ITGBL1: variants seen among roughly 807,000 people sequenced by gnomAD.
ITGBL1 encodes the protein integrin beta-like protein 1.
A neutral mutation model predicts 68.5 loss-of-function variants in ITGBL1; 51 were observed. That is an observed-to-expected ratio of 0.74 (90% CI 0.59 to 0.94). The LOEUF (loss-of-function observed/expected upper bound fraction) is 0.94. Ranked by LOEUF, ITGBL1 falls within the 40% of genes least tolerant of loss-of-function variation. The pLI, the probability that ITGBL1 is intolerant of heterozygous loss-of-function variation, is 0.00. For synonymous variants in ITGBL1, 209 were observed against 227.3 expected (o/e 0.92, Z 0.72); for missense variants, 649 against 647.4 (o/e 1.00, Z -0.03).
At chr13:101,588,398 G>A (rs942943340) in intron 6 of ITGBL1, among the ~76,000 whole-genome samples, 5 of 151,904 alleles carry the variant, frequency 3.3e-5, no homozygotes, top group Admixed American at 2.0e-4. Context: ...AAGACAAACA[G>A]CACCATGCCG....
intron 7 of ITGBL1, among the ~76,000 whole-genome samples, chr13:101,655,944 C>T (rs76178839): frequency 0.012 from 1,835 of 152,060 alleles, 30 homozygotes; most frequent in African/African-American, 0.041. Flanking sequence ...GAACATGTGT[C>T]GAAGGTACAG....
chr13:101,506,788 C>T (rs2049033344), intron 2 of ITGBL1, among the ~76,000 whole-genome samples: 1 of 152,134 alleles, frequency 6.6e-6, no homozygotes, highest in Admixed American at 6.6e-5. Flanking sequence ...ATCCTTCTCT[C>T]CTGAGATCTC....
intron 2 of ITGBL1, among the ~76,000 whole-genome samples, chr13:101,532,273 T>C (rs2049496824): frequency 1.3e-5 from 2 of 152,202 alleles, no homozygotes; most frequent in South Asian, 4.1e-4. Flanking sequence ...AGAAGGCAAG[T>C]TCTATCTTAA....
chr13:101,666,067 G>A (rs563424281), intron 7 of ITGBL1, among the ~76,000 whole-genome samples: 1 of 152,134 alleles, frequency 6.6e-6, no homozygotes, highest in South Asian at 2.1e-4. Context: ...AGTTTACTAT[G>A]CTATGTTATT....
At chr13:101,637,341 AT>A (rs58584687) in intron 7 of ITGBL1, among the ~76,000 whole-genome samples, 12,089 of 125,844 alleles carry the variant, frequency 0.096, 792 homozygotes, top group African/African-American at 0.25. Flanking sequence ...TTGGAACAGT[AT>A]TTTTTTTTTT....
intron 2 of ITGBL1, among the ~76,000 whole-genome samples, chr13:101,493,000 C>G (rs1484610459): frequency 6.6e-6 from 1 of 152,104 alleles, no homozygotes; most frequent in Non-Finnish European, 1.5e-5. Context: ...GGGAGTAAAT[C>G]TCTGTTAAGC....
chr13:101,586,812 T>C (rs2050565333), intron 6 of ITGBL1, among the ~76,000 whole-genome samples: 1 of 152,248 alleles, frequency 6.6e-6, no homozygotes, highest in Admixed American at 6.5e-5. Flanking sequence ...ATTTCATCAT[T>C]CTTACAGAAT....
rs149266508 is a variant in ITGBL1 at position 101,544,510 on chromosome 13, C to G, written c.317-23189C>G. ...AGGCTCCTCGGGGGTCAGGGACCCACTTGAGGAGGCAGTCTGTCTGTTCTC... is the reference window on the plus strand; with the variant it reads ...AGGCTCCTCGGGGGTCAGGGACCCAGTTGAGGAGGCAGTCTGTCTGTTCTC... On this transcript the variant is annotated intron_variant, in intron 2 of 10. Coordinates refer to ENST00000376180, the MANE Select transcript of ITGBL1 (RefSeq NM_004791.3). 7.2e-4 allele frequency among the ~76,000 whole-genome samples: 110 copies of G among 152,334 alleles called. 3 individuals carry two copies. The East Asian group carries it at 0.018, about 25-fold the overall frequency.
At chr13:101,466,089 C>A (rs1020834094) in intron 2 of ITGBL1, among the ~76,000 whole-genome samples, 4 of 152,190 alleles carry the variant, frequency 2.6e-5, no homozygotes. Flanking sequence ...CTATGGCCAA[C>A]TTTGACTCAT....
intron 7 of ITGBL1, among the ~76,000 whole-genome samples, chr13:101,673,983 G>T (rs553601008): frequency 1.5e-4 from 23 of 152,274 alleles, no homozygotes; most frequent in Non-Finnish European, 2.9e-4. Context: ...GTCAGCAATG[G>T]TTTTAGAGAC....
chr13:101,646,244 C>T (rs551123609), intron 7 of ITGBL1, among the ~76,000 whole-genome samples: 164 of 152,062 alleles, frequency 1.1e-3, no homozygotes, highest in Middle Eastern at 3.2e-3. Flanking sequence ...AAGAATAAAA[C>T]TCTTTTACAG....
rs1566784568 is a variant in ITGBL1, at chr13:101,671,449, T to TTTTTTTTTTTG, written c.1016-21129_1016-21128insTTTGTTTTTTT. On this transcript the variant is annotated intron_variant, in intron 7 of 10. Transcript: ENST00000376180. ...TTGTTTTTTTTTTGTTTTTTTTTGTTTTTTTTTGAGACGGAGTCTCGCTCT... is the reference window on the plus strand; with the variant it reads ...TTGTTTTTTTTTTGTTTTTTTTTGTTTTTTTTTTTTGTTTTTTTGAGACGGAGTCTCGCTCT... Among the ~76,000 whole-genome samples the TTTTTTTTTTTG allele has an allele frequency of 2.3e-5, 3 of 127,726 alleles. No homozygotes were observed. The East Asian group carries it at 8.8e-4, about 37-fold the overall frequency. The allele number at this position is 127,726 out of a possible 152,430, so 83.8% of individuals were successfully genotyped here. A position where few individuals can be genotyped will look rare whatever the true frequency, so the allele number is the denominator to read the frequency against.
At chr13:101,618,209 G>A (rs2031442177) in intron 7 of ITGBL1, among the ~76,000 whole-genome samples, 1 of 152,120 alleles carries the variant, frequency 6.6e-6, no homozygotes, top group Non-Finnish European at 1.5e-5. Flanking sequence ...TTCAACATAG[G>A]CAATAGATTA....
chr13:101,615,281 A>G (rs956624390), intron 7 of ITGBL1, among the ~76,000 whole-genome samples: 2 of 152,074 alleles, frequency 1.3e-5, no homozygotes, highest in African/African-American at 4.8e-5. Flanking sequence ...AGGATGATTC[A>G]GCTCTAGTCT....
chr13:101,549,511 A>G (rs2049885072), intron 2 of ITGBL1, among the ~76,000 whole-genome samples: 1 of 152,056 alleles, frequency 6.6e-6, no homozygotes, highest in Non-Finnish European at 1.5e-5. Flanking sequence ...AAATGGCTGC[A>G]ACATGATGGA....
intron 2 of ITGBL1, among the ~76,000 whole-genome samples, chr13:101,560,609 ATTAAG>A (rs777524639): frequency 1.3e-5 from 2 of 152,204 alleles, no homozygotes; most frequent in East Asian, 3.8e-4. Context: ...ATATTGCAAA[ATTAAG>A]TTAAATAATT....
chr13:101,509,494 T>G (rs1306028458), intron 2 of ITGBL1, among the ~76,000 whole-genome samples: 2 of 152,174 alleles, frequency 1.3e-5, no homozygotes, highest in Non-Finnish European at 2.9e-5. Flanking sequence ...TAAATTAATA[T>G]TCTACCCAGG....
intron 7 of ITGBL1, among the ~76,000 whole-genome samples, chr13:101,639,646 A>G (rs1359300760): frequency 6.6e-6 from 1 of 152,098 alleles, no homozygotes; most frequent in Non-Finnish European, 1.5e-5. Flanking sequence ...CTTTTAATTT[A>G]TTTTAGCATG....
At chr13:101,566,725 A>G (rs1395191835) in intron 2 of ITGBL1, among the ~76,000 whole-genome samples, 1 of 152,148 alleles carries the variant, frequency 6.6e-6, no homozygotes, top group Non-Finnish European at 1.5e-5. Flanking sequence ...TATGAATTTT[A>G]GGCATTTAGA....
Sources: allele counts gnomAD v4.1 joint callset (sites outside exome capture counted in the v4.1 genomes callset), GRCh38; gene constraint gnomAD v4.1.1; transcripts MANE v1.5; gene names NCBI Gene and HGNC (gene_info 2026-07-23, HGNC 2026-07-21).